Variants in KCNIP1 observed in about 807,000 individuals in gnomAD.
The protein encoded by KCNIP1 is A-type potassium channel modulatory protein KCNIP1.
KCNIP1 carries 18 observed loss-of-function variants against 33.0 expected under a neutral mutation model. That is an observed-to-expected ratio of 0.55 (90% CI 0.38 to 0.81). The LOEUF is 0.81. Ranked by LOEUF, KCNIP1 falls within the 30% of genes least tolerant of loss-of-function variation. The probability of loss-of-function intolerance (pLI) is 0.00; values close to 1 mark genes in which losing one functional copy is unlikely to be tolerated. For synonymous variants in KCNIP1, 93 were observed against 98.3 expected (o/e 0.95, Z 0.32); for missense variants, 238 against 271.6 (o/e 0.88, Z 0.87).
At chr5:170,397,069 G>T (rs975118946) in intron 1 of KCNIP1, among the ~76,000 whole-genome samples, 2 of 152,198 alleles carry the variant, frequency 1.3e-5, no homozygotes, top group African/African-American at 4.8e-5. Flanking sequence ...GTCATCTTAA[G>T]ACCTCTGTTT....
intron 1 of KCNIP1, among the ~76,000 whole-genome samples, chr5:170,635,236 G>T (rs1216179376): frequency 6.6e-6 from 1 of 152,114 alleles, no homozygotes; most frequent in Admixed American, 6.5e-5. Context: ...CATCTTGTTG[G>T]CCAGGCTTGT....
chr5:170,440,391 G>A (rs752348978), intron 1 of KCNIP1, among the ~76,000 whole-genome samples: 30 of 152,202 alleles, frequency 2.0e-4, no homozygotes, highest in Non-Finnish European at 3.5e-4. Flanking sequence ...AGATCCCAGA[G>A]CAGGGTCTCA....
chr5:170,440,672 A>G (rs1755968235), intron 1 of KCNIP1, among the ~76,000 whole-genome samples: 1 of 152,182 alleles, frequency 6.6e-6, no homozygotes, highest in Non-Finnish European at 1.5e-5. Flanking sequence ...ATTAGAACAC[A>G]GAGATCTGGA....
At chr5:170,364,087 AC>A (rs1434909161) in intron 1 of KCNIP1, among the ~76,000 whole-genome samples, 6 of 149,512 alleles carry the variant, frequency 4.0e-5, no homozygotes, top group African/African-American at 1.5e-4. Flanking sequence ...TGCAGCTTCT[AC>A]CTCCTGGGCT....
In KCNIP1 at chr5:170,364,820, C is replaced by T. The variant is rs61704292; in HGVS notation, c.88+10856C>T. 2.2e-3 allele frequency among the ~76,000 whole-genome samples: 342 copies of T among 152,314 alleles called. 2 individuals carry two copies. The highest frequency in any genetic ancestry group is 7.7e-3 in the African/African-American group (322 of 41,550). ...AGGTATACAGTGTGATGTCTTGATACACACATAGATAATGGCCTGATTATC... is the reference window on the plus strand; with the variant it reads ...AGGTATACAGTGTGATGTCTTGATATACACATAGATAATGGCCTGATTATC... On this transcript the variant is annotated intron_variant, in intron 1 of 7. Coordinates refer to the KCNIP1 transcript ENST00000377360.
At chr5:170,390,513 A>ATATATAT (rs1554088932) in intron 1 of KCNIP1, among the ~76,000 whole-genome samples, 8 of 28,810 alleles carry the variant, frequency 2.8e-4, no homozygotes, top group Admixed American at 7.2e-4. Context: ...AAAAAAAAAA[A>ATATATAT]ACAAATATAT....
chr5:170,613,636 G>A (rs183176831), intron 1 of KCNIP1, among the ~76,000 whole-genome samples: 48 of 152,288 alleles, frequency 3.2e-4, no homozygotes, highest in African/African-American at 1.2e-3. Flanking sequence ...AGGAGGCGGG[G>A]AGGGCCGGGA....
intron 1 of KCNIP1, among the ~76,000 whole-genome samples, chr5:170,694,608 C>A (rs1401773503): frequency 6.6e-6 from 1 of 152,134 alleles, no homozygotes; most frequent in Admixed American, 6.5e-5. Context: ...ACTAATAATG[C>A]AGAAAATGTA....
intron 1 of KCNIP1, among the ~76,000 whole-genome samples, chr5:170,710,744 C>T (rs1244492908): frequency 2.6e-5 from 4 of 152,186 alleles, no homozygotes; most frequent in African/African-American, 9.7e-5. Context: ...TAGGAGAGCT[C>T]ACCATTCCTG....
chr5:170,612,722 C>T lies in KCNIP1; in HGVS notation c.62-106036C>T, dbSNP rs57353561. Reference sequence around the variant, plus strand: ...CCTGCTCCAGCCTGACAATGTGAGGCTGGGCTTTTAGCAAATGTGGCCGGC... The same window carrying T: ...CCTGCTCCAGCCTGACAATGTGAGGTTGGGCTTTTAGCAAATGTGGCCGGC... On this transcript the variant is annotated intron_variant, in intron 1 of 7. Transcript: ENST00000328939. Among the ~76,000 whole-genome samples, 70 of 152,342 alleles carry T rather than the reference C, an allele frequency of 4.6e-4. 2 individuals are homozygous for T. In the South Asian group the frequency reaches 0.014, roughly 31 times the overall value.
intron 1 of KCNIP1, among the ~76,000 whole-genome samples, chr5:170,664,924 C>T (rs890157892): frequency 2.6e-5 from 4 of 151,900 alleles, no homozygotes; most frequent in Admixed American, 2.0e-4. Context: ...TAGTTGACTC[C>T]CGAACTAACT....
chr5:170,685,740 CG>C (rs1387696154), intron 1 of KCNIP1, among the ~76,000 whole-genome samples: 1 of 152,072 alleles, frequency 6.6e-6, no homozygotes, highest in Non-Finnish European at 1.5e-5. Flanking sequence ...CCACCCACCT[CG>C]GCCTCCCAAA....
intron 1 of KCNIP1, among the ~76,000 whole-genome samples, chr5:170,384,860 T>C (rs956007096): frequency 6.6e-6 from 1 of 152,274 alleles, no homozygotes; most frequent in South Asian, 2.1e-4. Context: ...AAACATGAAA[T>C]GTATGTTCAG....
Position 170,504,724 on chromosome 5 carries a change from ACT to A in KCNIP1, c.61+95_61+96del. On this transcript the variant is annotated intron_variant, in intron 1 of 7. Transcript: ENST00000328939. This position sits in a 1 kb window ranked among gnomAD's most constrained non-coding sequence, Gnocchi z 6.0. ...GTGCCACCTGCCTCCCTTAGTCCGG[ACT>A]CTCCTCTCCACGAGGAGCCCGGACA... is the stretch of plus-strand genomic sequence containing the variant. The A allele has an allele frequency of 9.4e-7, 1 of 1,060,792 alleles. No individual in the cohort carries two copies. Among genetic ancestry groups the A allele is most frequent in the Non-Finnish European group, 1.5e-6 (1 of 685,746 alleles). The allele number at this position is 1,060,792 out of a possible 1,614,324, so 65.7% of individuals were successfully genotyped here. A position where few individuals can be genotyped will look rare whatever the true frequency, so the allele number is the denominator to read the frequency against.
intron 1 of KCNIP1, among the ~76,000 whole-genome samples, chr5:170,555,961 C>G (rs1467360076): frequency 6.6e-6 from 1 of 152,202 alleles, no homozygotes; most frequent in East Asian, 1.9e-4. Flanking sequence ...TCCAGGTACC[C>G]TCTGAACCAG....
At chr5:170,464,205 T>C (rs946063200) in intron 1 of KCNIP1, among the ~76,000 whole-genome samples, 8 of 152,352 alleles carry the variant, frequency 5.3e-5, no homozygotes, top group Non-Finnish European at 8.8e-5. Context: ...ATTGTTAAGA[T>C]GGCAATACTT....
intron 1 of KCNIP1, among the ~76,000 whole-genome samples, chr5:170,385,854 T>A (rs963805403): frequency 2.6e-5 from 4 of 151,956 alleles, no homozygotes; most frequent in Non-Finnish European, 4.4e-5. Flanking sequence ...GTGCGGTGGC[T>A]CATGCCTGAA....
At position 170,721,909 on chromosome 5, in the gene KCNIP1, C is replaced by A; in HGVS notation, c.327+6C>A. The A allele has an allele frequency of 6.2e-7, 1 of 1,614,096 alleles. No individual in the cohort carries two copies. ...CAGGCTCCGTGAAGTTCGAGGTACG[C>A]TCATCTGGGGTCCACTCTAGGGGTC... On this transcript the variant is annotated splice_donor_region_variant and intron_variant, in intron 4 of 7. Transcript: ENST00000328939.
intron 1 of KCNIP1, among the ~76,000 whole-genome samples, chr5:170,525,849 G>T: frequency 6.6e-6 from 1 of 152,292 alleles, no homozygotes; most frequent in South Asian, 2.1e-4. Context: ...GTGTTAGTTC[G>T]GGTCATGTTA....
Sources: gnomAD v4.1 joint callset for allele counts (sites outside exome capture counted in the v4.1 genomes callset) on GRCh38, gnomAD v4.1.1 for gene constraint, Gnocchi (gnomAD v3.1) non-coding constraint, MANE v1.5 for transcripts, NCBI Gene and HGNC (gene_info 2026-07-23, HGNC 2026-07-21) for gene names.